The following ST6GALNAC3 variants were observed in gnomAD, a reference collection of about 807,000 sequenced individuals.
ST6GALNAC3 encodes alpha-N-acetylgalactosaminide alpha-2,6-sialyltransferase 3.
ST6GALNAC3 carries 25 observed loss-of-function variants against 32.7 expected under a neutral mutation model. The observed-to-expected ratio is 0.76, with a 90% CI of 0.56 to 1.07. ST6GALNAC3 has a LOEUF of 1.07. Ranked by LOEUF, ST6GALNAC3 falls within the 50% of genes least tolerant of loss-of-function variation. The pLI, the probability that ST6GALNAC3 is intolerant of heterozygous loss-of-function variation, is 0.00. For missense variants in ST6GALNAC3, 355 were observed against 382.4 expected (o/e 0.93, Z 0.60); for synonymous variants, 129 against 133.1 (o/e 0.97, Z 0.21).
chr1:76,250,583 T>C (rs1557727259), intron 1 of ST6GALNAC3, among the ~76,000 whole-genome samples: 1 of 152,178 alleles, frequency 6.6e-6, no homozygotes, highest in Non-Finnish European at 1.5e-5. Context: ...GAAAGAACTA[T>C]TGTCTGCAGT....
chr1:76,473,196 T>C (rs889281493), intron 3 of ST6GALNAC3, among the ~76,000 whole-genome samples: 3 of 152,062 alleles, frequency 2.0e-5, no homozygotes, highest in African/African-American at 7.2e-5. Flanking sequence ...GACAAGAGGT[T>C]TCAGAGTGAG....
At chr1:76,586,887 G>A (rs1646969782) in intron 3 of ST6GALNAC3, among the ~76,000 whole-genome samples, 1 of 152,110 alleles carries the variant, frequency 6.6e-6, no homozygotes, top group Admixed American at 6.6e-5. Flanking sequence ...TCTATCCATG[G>A]TGCCTTTCCT....
At chr1:76,474,476 A>G (rs1659224537) in intron 3 of ST6GALNAC3, among the ~76,000 whole-genome samples, 1 of 152,148 alleles carries the variant, frequency 6.6e-6, no homozygotes, top group Admixed American at 6.6e-5. Flanking sequence ...GTGAACAGCA[A>G]TATGGTCTAG....
intron 3 of ST6GALNAC3, among the ~76,000 whole-genome samples, chr1:76,565,665 G>A (rs1342671976): frequency 6.6e-6 from 1 of 152,126 alleles, no homozygotes; most frequent in Non-Finnish European, 1.5e-5. Context: ...AGGCTAACAG[G>A]TTTTAGATGA....
At chr1:76,203,589 G>C (rs1316301540) in intron 1 of ST6GALNAC3, among the ~76,000 whole-genome samples, 1 of 152,186 alleles carries the variant, frequency 6.6e-6, no homozygotes, top group East Asian at 1.9e-4. Flanking sequence ...ACAATAAGGA[G>C]TGATAAGAAA....
intron 3 of ST6GALNAC3, among the ~76,000 whole-genome samples, chr1:76,506,315 C>T (rs571769272): frequency 1.3e-5 from 2 of 152,280 alleles, no homozygotes; most frequent in East Asian, 1.9e-4. Context: ...GGAATCTGGG[C>T]CTGTCTCAGG....
At chr1:76,275,964 T>A (rs1170970788) in intron 1 of ST6GALNAC3, among the ~76,000 whole-genome samples, 2 of 152,190 alleles carry the variant, frequency 1.3e-5, no homozygotes, top group South Asian at 2.1e-4. Context: ...TGATATGACA[T>A]TGAATCTGAG....
chr1:76,147,147 C>T (rs993065194), intron 1 of ST6GALNAC3, among the ~76,000 whole-genome samples: 2 of 151,190 alleles, frequency 1.3e-5, no homozygotes, highest in African/African-American at 4.9e-5. Context: ...ACTACGACCT[C>T]TGCCTCCTGG....
chr1:76,157,339 T>G (rs1011791043), intron 1 of ST6GALNAC3, among the ~76,000 whole-genome samples: 5 of 152,194 alleles, frequency 3.3e-5, no homozygotes, highest in African/African-American at 1.2e-4. Context: ...TGTAGCCTCC[T>G]ACTCCAAAAA....
At chr1:76,206,253 G>C (rs922178703) in intron 1 of ST6GALNAC3, among the ~76,000 whole-genome samples, 1 of 152,162 alleles carries the variant, frequency 6.6e-6, no homozygotes, top group Admixed American at 6.5e-5. Context: ...TACCTCTTTT[G>C]TTGTCAGCCT....
chr1:76,371,037 T>C (rs1650772959), intron 2 of ST6GALNAC3, among the ~76,000 whole-genome samples: 1 of 152,212 alleles, frequency 6.6e-6, no homozygotes, highest in Non-Finnish European at 1.5e-5. Context: ...GTAAATTCCA[T>C]TAAGTCAGAA....
At chr1:76,211,461 A>G (rs530918722) in intron 1 of ST6GALNAC3, among the ~76,000 whole-genome samples, 1 of 152,204 alleles carries the variant, frequency 6.6e-6, no homozygotes, top group Non-Finnish European at 1.5e-5. Context: ...ATTATAAAAC[A>G]TGCTTCTATA....
intron 2 of ST6GALNAC3, among the ~76,000 whole-genome samples, chr1:76,357,696 G>A (rs991402699): frequency 1.1e-4 from 17 of 152,086 alleles, no homozygotes; most frequent in African/African-American, 4.1e-4. Context: ...GCTCTTTGAG[G>A]GTAGCCATCT....
At chr1:76,441,337 G>A (rs551105689) in intron 3 of ST6GALNAC3, among the ~76,000 whole-genome samples, 3 of 151,930 alleles carry the variant, frequency 2.0e-5, no homozygotes, top group Non-Finnish European at 4.4e-5. Context: ...CTATGAGGCA[G>A]GTATAATTAT....
rs188124074 is a variant in ST6GALNAC3, at chr1:76,454,368, T to C, written c.623+41951T>C. Among the ~76,000 whole-genome samples the C allele has an allele frequency of 2.4e-3, 372 of 152,288 alleles. 1 individual carries two copies. Among genetic ancestry groups the C allele is most frequent in the Non-Finnish European group, 4.3e-3 (295 of 68,004 alleles). ...GGTGTTTTTTAAATTGAGGTTTTGT[T>C]TTATAGGTCCTATGAGATTTGTACT... On this transcript the variant is annotated intron_variant, in intron 3 of 4. Coordinates refer to ENST00000328299, the MANE Select transcript of ST6GALNAC3 (RefSeq NM_152996.4).
chr1:76,308,697 G>A (rs908725315), intron 1 of ST6GALNAC3, among the ~76,000 whole-genome samples: 2 of 152,252 alleles, frequency 1.3e-5, no homozygotes, highest in African/African-American at 4.8e-5. Context: ...TTGAAACACG[G>A]CATTGTGGTG....
At chr1:76,518,931 GT>G (rs1208545947) in intron 3 of ST6GALNAC3, among the ~76,000 whole-genome samples, 2 of 152,060 alleles carry the variant, frequency 1.3e-5, no homozygotes, top group African/African-American at 4.8e-5. Context: ...GCCAAGCATT[GT>G]GATGCACGCC....
intron 3 of ST6GALNAC3, among the ~76,000 whole-genome samples, chr1:76,475,448 C>T (rs1380242035): frequency 6.6e-6 from 1 of 152,138 alleles, no homozygotes; most frequent in Non-Finnish European, 1.5e-5. Flanking sequence ...GCACAAGTTA[C>T]TAAGTGGTAA....
At chr1:76,508,599 A>G (rs868145114) in intron 3 of ST6GALNAC3, among the ~76,000 whole-genome samples, 3 of 152,204 alleles carry the variant, frequency 2.0e-5, no homozygotes, top group Middle Eastern at 6.8e-3. Flanking sequence ...CTACAGCCCC[A>G]GTGTTGCTGA....
Sources: gnomAD v4.1 joint callset for allele counts (sites outside exome capture counted in the v4.1 genomes callset) on GRCh38, gnomAD v4.1.1 for gene constraint, MANE v1.5 for transcripts, NCBI Gene and HGNC (gene_info 2026-07-23, HGNC 2026-07-21) for gene names.